Variants in SLC1A3 observed in about 807,000 individuals in gnomAD.
SLC1A3 encodes the protein excitatory amino acid transporter 1.
In SLC1A3, 21 loss-of-function variants were observed where a neutral mutation model predicts 48.1. The observed-to-expected ratio is 0.44, with a 90% CI of 0.31 to 0.63. The LOEUF is 0.63. SLC1A3 is among the 20% of genes least tolerant of loss of function. The pLI, the probability that SLC1A3 is intolerant of heterozygous loss-of-function variation, is 0.08. For missense variants in SLC1A3, 546 were observed against 689.0 expected, an observed-to-expected ratio of 0.79 and a Z score of 2.32; for synonymous variants, 239 against 251.4, an observed-to-expected ratio of 0.95 and a Z score of 0.47.
At chr5:36,663,510 G>T (rs1741606343) in intron 3 of SLC1A3, among the ~76,000 whole-genome samples, 2 of 151,370 alleles carry the variant, frequency 1.3e-5, no homozygotes, top group Non-Finnish European at 2.9e-5. Flanking sequence ...CAAAGTACTG[G>T]GATTATAGGC....
chr5:36,636,641 T>A (rs75069826), intron 3 of SLC1A3, among the ~76,000 whole-genome samples: 27 of 148,544 alleles, frequency 1.8e-4, no homozygotes, highest in African/African-American at 6.7e-4. Flanking sequence ...TCCTCTCACC[T>A]GAGTCTTTCA....
chr5:36,604,198 T>C (rs1360246839), upstream of SLC1A3, among the ~76,000 whole-genome samples: 1 of 152,194 alleles, frequency 6.6e-6, no homozygotes, highest in East Asian at 1.9e-4. Flanking sequence ...GGTGTTTGTG[T>C]TTTTTTCATT....
chr5:36,649,548 C>G (rs971141067), intron 3 of SLC1A3, among the ~76,000 whole-genome samples: 1 of 152,138 alleles, frequency 6.6e-6, no homozygotes, highest in African/African-American at 2.4e-5. Context: ...TATTATTTGT[C>G]TCCTGAAAAG....
chr5:36,603,508 G>C (rs1164638934), upstream of SLC1A3, among the ~76,000 whole-genome samples: 2 of 152,196 alleles, frequency 1.3e-5, no homozygotes. Flanking sequence ...TCACCTCTCT[G>C]TAGTTGGATG....
intron 3 of SLC1A3, among the ~76,000 whole-genome samples, chr5:36,631,796 T>C (rs1740143452): frequency 6.6e-6 from 1 of 152,254 alleles, no homozygotes. Context: ...ATGTCCTTTA[T>C]GGTTTTGAAT....
intron 2 of SLC1A3, among the ~76,000 whole-genome samples, chr5:36,620,553 A>G (rs1267205448): frequency 6.6e-6 from 1 of 152,216 alleles, no homozygotes; most frequent in East Asian, 1.9e-4. Context: ...CTGCATTCAG[A>G]AAGTGTGCTC....
At chr5:36,662,271 C>G (rs1487795813) in intron 3 of SLC1A3, among the ~76,000 whole-genome samples, 4 of 152,140 alleles carry the variant, frequency 2.6e-5, no homozygotes, top group African/African-American at 4.8e-5. Context: ...CTTTCCAAAC[C>G]CAGGCTTTAC....
intron 3 of SLC1A3, 89 bp downstream of exon 3, chr5:36,629,676 T>C: frequency 8.8e-7 from 1 of 1,131,126 alleles, no homozygotes; most frequent in Non-Finnish European, 1.3e-6. Context: ...TTTAGGTTTC[T>C]GCTGGATGCA....
At chr5:36,607,562 C>G (rs559285779) in intron 1 of SLC1A3, among the ~76,000 whole-genome samples, 1 of 152,276 alleles carries the variant, frequency 6.6e-6, no homozygotes, top group East Asian at 1.9e-4. Context: ...AAAAAGTCAG[C>G]GATAGTTTCC....
At chr5:36,611,808 G>T (rs1405276697) in intron 2 of SLC1A3, among the ~76,000 whole-genome samples, 1 of 128,390 alleles carries the variant, frequency 7.8e-6, no homozygotes, top group Non-Finnish European at 1.6e-5. Context: ...AGTGACCTCA[G>T]ACATCTAGCT....
At chr5:36,668,769 A>G (rs1421652951) in intron 3 of SLC1A3, 1 of 152,198 alleles carries the variant, frequency 6.6e-6, no homozygotes, top group Non-Finnish European at 1.5e-5. Context: ...TACTTTAAAC[A>G]TTTTTTAAAA....
Position 36,683,801 on chromosome 5 carries a change from C to T in SLC1A3, c.1290-63C>T, listed in dbSNP as rs56039629. On this transcript the variant is annotated intron_variant, in intron 8 of 9. Coordinates refer to ENST00000265113, the MANE Select transcript of SLC1A3 (RefSeq NM_004172.5). Reference sequence around the variant, plus strand: ...CATCGGCACCGTGCGTATTTTGCAGCGTATATGCTCTACGTGGGGAGCTTT... The same window carrying T: ...CATCGGCACCGTGCGTATTTTGCAGTGTATATGCTCTACGTGGGGAGCTTT... 0.52 allele frequency: 826,940 copies of T among 1,586,130 alleles called. 225,193 individuals carry two copies. Among genetic ancestry groups the T allele is most frequent in the Non-Finnish European group, 0.56 (647,462 of 1,154,948 alleles).
At chr5:36,660,748 C>G (rs66497446) in intron 3 of SLC1A3, among the ~76,000 whole-genome samples, 13,713 of 152,228 alleles carry the variant, frequency 0.09, 789 homozygotes, top group African/African-American at 0.16. Context: ...TTTATAGGAA[C>G]TATTCTTTTA....
chr5:36,642,226 C>T (rs190952678), intron 3 of SLC1A3, among the ~76,000 whole-genome samples: 177 of 152,280 alleles, frequency 1.2e-3, no homozygotes, highest in Admixed American at 4.1e-3. Flanking sequence ...CATATAACTT[C>T]CCGCTAAATA....
In SLC1A3 at chr5:36,599,484, C is replaced by CT. The variant is rs1738781078; in HGVS notation, c.-96+2807dup. ...GGCCTAAGACCTGAGACAGAAACCC[C>CT]TACACATCGTAGCTACGGTTGAACT... On this transcript the variant is annotated intron_variant, in intron 1 of 9. Transcript: ENST00000680318. 2.7e-5 allele frequency among the ~76,000 whole-genome samples: 4 copies of CT among 146,434 alleles called. No homozygotes were observed. In the Admixed American group the frequency reaches 2.8e-4, roughly 10 times the overall value.
chr5:36,644,561 G>C (rs968694060), intron 3 of SLC1A3, among the ~76,000 whole-genome samples: 2 of 152,138 alleles, frequency 1.3e-5, no homozygotes, highest in Non-Finnish European at 2.9e-5. Flanking sequence ...AAATAGTTAA[G>C]ATGGCACATT....
chr5:36,635,748 G>A (rs575869278), intron 3 of SLC1A3, among the ~76,000 whole-genome samples: 26 of 152,294 alleles, frequency 1.7e-4, no homozygotes, highest in Admixed American at 9.1e-4. Context: ...GTTGTGAGCG[G>A]AGATTTTCGG....
At chr5:36,645,146 A>T (rs1407881446) in intron 3 of SLC1A3, among the ~76,000 whole-genome samples, 2 of 152,040 alleles carry the variant, frequency 1.3e-5, no homozygotes, top group Non-Finnish European at 2.9e-5. Context: ...TCTAATTCCA[A>T]GTTAGTTATT....
intron 3 of SLC1A3, among the ~76,000 whole-genome samples, chr5:36,663,673 A>C (rs991479263): frequency 6.6e-6 from 1 of 152,196 alleles, no homozygotes. Flanking sequence ...TGTAAGGAAC[A>C]CTTGGTGTTT....
Sources: allele counts gnomAD v4.1 joint callset (sites outside exome capture counted in the v4.1 genomes callset), GRCh38; gene constraint gnomAD v4.1.1; transcripts MANE v1.5; gene names NCBI Gene and HGNC (gene_info 2026-07-23, HGNC 2026-07-21).